Variants in PDZD2 observed in about 807,000 individuals in gnomAD.
PDZD2 encodes PDZ domain containing 2.
Under a neutral mutation model 220.7 loss-of-function variants are expected in PDZD2, and 90 were observed. That is an observed-to-expected ratio of 0.41 (90% CI 0.34 to 0.49). The LOEUF is 0.49. Ranked by LOEUF, PDZD2 falls within the 20% of genes least tolerant of loss-of-function variation. PDZD2 has a pLI of 0.28. For missense variants in PDZD2, 3,174 were observed against 3,608.5 expected (o/e 0.88, Z 3.08); for synonymous variants, 1,375 against 1,450.5 (o/e 0.95, Z 1.18).
chr5:31,835,559 G>A (rs2150276242), intron 2 of PDZD2, among the ~76,000 whole-genome samples: 1 of 151,650 alleles, frequency 6.6e-6, no homozygotes, highest in South Asian at 2.1e-4. Flanking sequence ...AGAGATTGCA[G>A]TGAGCCAAGA....
In PDZD2 at chr5:31,878,716, T is replaced by A. The variant is rs536329223; in HGVS notation, c.476+78992T>A. ...GCTGGGACTACAGGCGCCCGCCACCTCGCCCAGCTAATTTTTTTGTATTTT... is the reference window on the plus strand; with the variant it reads ...GCTGGGACTACAGGCGCCCGCCACCACGCCCAGCTAATTTTTTTGTATTTT... On this transcript the variant is annotated intron_variant, in intron 2 of 24. Coordinates refer to ENST00000438447, the MANE Select transcript of PDZD2 (RefSeq NM_178140.4). Among the ~76,000 whole-genome samples, 4 of 151,630 alleles carry A rather than the reference T, an allele frequency of 2.6e-5. No homozygotes were observed. In the East Asian group the frequency reaches 5.9e-4, roughly 22 times the overall value.
intron 1 of PDZD2, among the ~76,000 whole-genome samples, chr5:31,712,843 G>A (rs1004843825): frequency 1.3e-5 from 2 of 152,212 alleles, no homozygotes; most frequent in African/African-American, 4.8e-5. Context: ...GGGCAATGGA[G>A]GGTAATGATG....
chr5:31,642,803 CAG>C (rs1744999257), intron 1 of PDZD2, among the ~76,000 whole-genome samples: 2 of 152,240 alleles, frequency 1.3e-5, no homozygotes, highest in Admixed American at 1.3e-4. Context: ...ATGAGGAAAA[CAG>C]GGGAGGCATT....
At chr5:31,800,303 A>T (rs1754317248) in intron 2 of PDZD2, among the ~76,000 whole-genome samples, 1 of 152,218 alleles carries the variant, frequency 6.6e-6, no homozygotes, top group Non-Finnish European at 1.5e-5. Context: ...ACCAGGCACA[A>T]GCTTCCAGTT....
Position 31,799,084 on chromosome 5 carries a change from A to G in PDZD2, c.-165A>G. 1 of 586,316 alleles carries G rather than the reference A, an allele frequency of 1.7e-6. No individual in the cohort carries two copies. Among genetic ancestry groups the G allele is most frequent in the South Asian group, 2.2e-5 (1 of 44,628 alleles). 36.3% of individuals were successfully genotyped at this position (586,316 alleles called of 1,614,324 possible). On this transcript the variant is annotated 5_prime_UTR_variant, in exon 2 of 25. Transcript: ENST00000438447. ...GGTCCTAGCTTCCTCCTGCCAAGGC[A>G]AACAGCATAGTCTCGAGTAGGTGTC... is the stretch of plus-strand genomic sequence containing the variant.
intron 3 of PDZD2, among the ~76,000 whole-genome samples, chr5:31,986,693 G>A (rs1023026983): frequency 6.6e-6 from 1 of 152,150 alleles, no homozygotes; most frequent in African/African-American, 2.4e-5. Context: ...AATAATGGGA[G>A]ATTAAACATG....
At chr5:32,019,998 G>A (rs1754072169) in intron 6 of PDZD2, among the ~76,000 whole-genome samples, 2 of 151,666 alleles carry the variant, frequency 1.3e-5, no homozygotes, top group African/African-American at 4.8e-5. Context: ...AGGGGTTTAT[G>A]TCTGTGGTCC....
intron 1 of PDZD2, among the ~76,000 whole-genome samples, chr5:31,770,728 C>T (rs765980229): frequency 2.0e-5 from 3 of 152,088 alleles, no homozygotes; most frequent in Non-Finnish European, 4.4e-5. Context: ...GAGCTCTACA[C>T]ACTGGGGTTC....
At chr5:31,693,667 A>T (rs1747243256) in intron 1 of PDZD2, among the ~76,000 whole-genome samples, 1 of 152,098 alleles carries the variant, frequency 6.6e-6, no homozygotes. Flanking sequence ...GCTTCCAGAG[A>T]TCAGCTTGAA....
chr5:31,684,746 C>G (rs933683046), intron 1 of PDZD2, among the ~76,000 whole-genome samples: 5 of 152,136 alleles, frequency 3.3e-5, no homozygotes, highest in African/African-American at 1.2e-4. Context: ...CTTTTTGTTT[C>G]GTGATGTGTG....
At chr5:31,999,272 C>G (rs1751901585) in intron 4 of PDZD2, among the ~76,000 whole-genome samples, 1 of 101,504 alleles carries the variant, frequency 9.9e-6, no homozygotes, top group Non-Finnish European at 2.0e-5. Context: ...GGGCGGGTGG[C>G]GGGATTTGTT....
chr5:31,881,715 T>TAC (rs202223101), intron 2 of PDZD2, among the ~76,000 whole-genome samples: 4,628 of 149,780 alleles, frequency 0.031, 98 homozygotes, highest in Non-Finnish European at 0.048. Flanking sequence ...CATATATATA[T>TAC]ACACACACAT....
rs34086606 is a variant in PDZD2, at chr5:31,862,563, C to CTT, written c.476+62853_476+62854dup. 7.6e-4 allele frequency among the ~76,000 whole-genome samples: 97 copies of CTT among 128,194 alleles called. 3 individuals carry two copies. Among genetic ancestry groups the CTT allele is most frequent in the Non-Finnish European group, 9.8e-4 (57 of 58,310 alleles). 84.1% of individuals were successfully genotyped at this position (128,194 alleles called of 152,430 possible). A position where few individuals can be genotyped will look rare whatever the true frequency, so the allele number is the denominator to read the frequency against. On this transcript the variant is annotated intron_variant, in intron 2 of 24. Transcript: ENST00000438447. Reference sequence around the variant, plus strand: ...AGACAACCATGGCACCTTTTCTTTTCTTTTTTTTTTTTTTTGAGAAGGAGT... The same window carrying CTT: ...AGACAACCATGGCACCTTTTCTTTTCTTTTTTTTTTTTTTTTTGAGAAGGAGT...
chr5:31,664,321 C>A (rs183119434), intron 1 of PDZD2, among the ~76,000 whole-genome samples: 1 of 152,072 alleles, frequency 6.6e-6, no homozygotes, highest in African/African-American at 2.4e-5. Context: ...CAAGTTTTAA[C>A]GGCTTAACAT....
chr5:32,061,189 A>G, intron 14 of PDZD2, 55 bp downstream of exon 14: 2 of 1,568,472 alleles, frequency 1.3e-6, no homozygotes, highest in Non-Finnish European at 1.8e-6. Flanking sequence ...TTCCTAGGAT[A>G]TCGTATACTC....
At chr5:31,890,909 C>T (rs1445376577) in intron 2 of PDZD2, among the ~76,000 whole-genome samples, 2 of 152,018 alleles carry the variant, frequency 1.3e-5, no homozygotes, top group Non-Finnish European at 2.9e-5. Flanking sequence ...TCTTTCATAC[C>T]CTGTAAAAAG....
rs1413481967 is a variant in PDZD2 at position 31,827,601 on chromosome 5, G to C, written c.476+27877G>C. 1.3e-5 allele frequency among the ~76,000 whole-genome samples: 2 copies of C among 151,904 alleles called. 1 individual carries two copies. Among genetic ancestry groups the C allele is most frequent in the African/African-American group, 4.8e-5 (2 of 41,400 alleles). On this transcript the variant is annotated intron_variant, in intron 2 of 24. Coordinates refer to ENST00000438447, the MANE Select transcript of PDZD2 (RefSeq NM_178140.4). ...TCAGCTACTCAGGAGGCTGAGGCAGGAGAATTGCTTGAACTGAGAGGCAGA... is the reference window on the plus strand; with the variant it reads ...TCAGCTACTCAGGAGGCTGAGGCAGCAGAATTGCTTGAACTGAGAGGCAGA...
chr5:32,025,591 C>CTTTTTTTTTTGTTTTTTTTT (rs1754584864), intron 6 of PDZD2, among the ~76,000 whole-genome samples: 1 of 67,508 alleles, frequency 1.5e-5, no homozygotes, highest in Non-Finnish European at 2.6e-5. Context: ...AACCATGATG[C>CTTTTTTTTTTGTTTTTTTTT]TTTTTTTTTT....
intron 1 of PDZD2, among the ~76,000 whole-genome samples, chr5:31,776,989 G>A (rs1007507762): frequency 2.6e-5 from 4 of 152,070 alleles, no homozygotes; most frequent in Admixed American, 2.0e-4. Context: ...GGCCTCAGGC[G>A]TTCGCTCTGG....
Sources: allele counts gnomAD v4.1 joint callset (sites outside exome capture counted in the v4.1 genomes callset), GRCh38; gene constraint gnomAD v4.1.1; transcripts MANE v1.5; gene names NCBI Gene and HGNC (gene_info 2026-07-23, HGNC 2026-07-21).